Variants in MAP2 observed in about 807,000 individuals in gnomAD.
MAP2 encodes the protein microtubule-associated protein 2.
MAP2 carries 14 observed loss-of-function variants against 137.6 expected under a neutral mutation model. The ratio of observed to expected loss-of-function variants is 0.10; its 90% CI spans 0.07 to 0.16. The LOEUF (loss-of-function observed/expected upper bound fraction) is 0.16. MAP2 is among the 10% of genes least tolerant of loss of function. The pLI is 1.00. For synonymous variants in MAP2, 786 were observed against 782.3 expected (o/e 1.00, Z -0.08); for missense variants, 2,088 against 2,191.5 (o/e 0.95, Z 0.94).
chr2:209,553,233 G>T (rs1408216691), intron 2 of MAP2, among the ~76,000 whole-genome samples: 1 of 151,990 alleles, frequency 6.6e-6, no homozygotes, highest in Non-Finnish European at 1.5e-5. Context: ...GGATGGTCTC[G>T]ATCTCTTGAC....
At chr2:209,519,035 G>T (rs2062908692) in intron 2 of MAP2, among the ~76,000 whole-genome samples, 1 of 151,954 alleles carries the variant, frequency 6.6e-6, no homozygotes. Flanking sequence ...CAGGGAGACG[G>T]ATTAATTAAA....
At chr2:209,669,293 G>A (rs2047723674) in intron 5 of MAP2, among the ~76,000 whole-genome samples, 1 of 152,002 alleles carries the variant, frequency 6.6e-6, no homozygotes, top group Non-Finnish European at 1.5e-5. Flanking sequence ...AACATTGAGT[G>A]TACCTTCTGA....
At chr2:209,463,225 T>C (rs1321322391) in intron 1 of MAP2, among the ~76,000 whole-genome samples, 8 of 152,368 alleles carry the variant, frequency 5.3e-5, no homozygotes, top group African/African-American at 1.4e-4. Context: ...AAGCTGGCTC[T>C]AATCACCTCA....
intron 4 of MAP2, among the ~76,000 whole-genome samples, chr2:209,648,321 G>A (rs576422078): frequency 5.9e-5 from 9 of 151,862 alleles, no homozygotes; most frequent in Non-Finnish European, 1.3e-4. Flanking sequence ...GGCTGGTCTC[G>A]AACTCCTGAC....
rs1265977681 is a variant in MAP2 at position 209,695,769 on chromosome 2, C to T, written c.3599C>T (p.Pro1200Leu). Residue 1200 changes from proline to leucine, a missense_variant, in exon 8 of 16, where the codon CCA (proline) becomes CTA (leucine). Pro to Leu is a moderately conservative substitution (Grantham distance 98). This residue lies in a region of MAP2 where 591 missense variants were observed against 642.6 expected (regional missense o/e 0.92). Transcript: ENST00000682079. ...GTCCAGATGGAATTTATTCAGGGGCCAAAAGAAGAAAGCAAAGAGACCCCA... is the reference window on the plus strand; with the variant it reads ...GTCCAGATGGAATTTATTCAGGGGCTAAAAGAAGAAAGCAAAGAGACCCCA... ...ADVQMEFIQGPKEESKETPDI... is the reference protein window; with the variant it reads ...ADVQMEFIQGLKEESKETPDI... 1 of 1,613,754 alleles carries T rather than the reference C, an allele frequency of 6.2e-7. No individual in the cohort carries two copies. Among genetic ancestry groups the T allele is most frequent in the South Asian group, 1.1e-5 (1 of 91,038 alleles).
intron 1 of MAP2, among the ~76,000 whole-genome samples, chr2:209,430,292 A>T (rs1041196951): frequency 6.6e-6 from 1 of 151,758 alleles, no homozygotes; most frequent in African/African-American, 2.4e-5. Flanking sequence ...TGGAATTATA[A>T]TACTTGTAAC....
At chr2:209,678,494 A>C in intron 5 of MAP2, 78 bp from the exon 6 acceptor site, 1 of 667,772 alleles carries the variant, frequency 1.5e-6, no homozygotes, top group East Asian at 2.9e-5. Flanking sequence ...ATAATCCACT[A>C]TACTGTTTGG....
chr2:209,700,384 G>T, intron 11 of MAP2, 46 bp downstream of exon 11: 1 of 1,400,674 alleles, frequency 7.1e-7, no homozygotes, highest in South Asian at 1.2e-5. Context: ...AAGTTCCTTT[G>T]GTATTAGCTG....
intron 5 of MAP2, among the ~76,000 whole-genome samples, chr2:209,658,214 C>T (rs1389816090): frequency 6.6e-6 from 1 of 151,638 alleles, no homozygotes; most frequent in Non-Finnish European, 1.5e-5. Flanking sequence ...TGGAAAGTGA[C>T]CTTTCAAATT....
At chr2:209,652,409 C>T (rs2094865338) in intron 4 of MAP2, among the ~76,000 whole-genome samples, 2 of 152,114 alleles carry the variant, frequency 1.3e-5, no homozygotes, top group East Asian at 3.8e-4. Context: ...AATGTCATTT[C>T]CTCTTAGTCT....
At chr2:209,557,043 T>G (rs1012289197) in intron 2 of MAP2, among the ~76,000 whole-genome samples, 11 of 152,240 alleles carry the variant, frequency 7.2e-5, no homozygotes, top group Admixed American at 2.0e-4. Context: ...ATATCTATGT[T>G]AACAGAAGAT....
chr2:209,537,829 AGCATT>A (rs2066224171), intron 2 of MAP2, among the ~76,000 whole-genome samples: 1 of 152,354 alleles, frequency 6.6e-6, no homozygotes, highest in Admixed American at 6.5e-5. Context: ...ATCAAGAAGC[AGCATT>A]GCTATGTTAA....
Position 209,705,629 on chromosome 2 carries a change from C to T in MAP2, c.4634C>T (p.Ser1545Phe). 4 of 1,613,086 alleles carry T rather than the reference C, an allele frequency of 2.5e-6. No individual in the cohort carries two copies. Among genetic ancestry groups the T allele is most frequent in the Non-Finnish European group, 3.4e-6 (4 of 1,179,314 alleles). Residue 1545 changes from serine to phenylalanine, a missense_variant, in exon 12 of 16, where the codon TCC becomes TTC. Coordinates refer to ENST00000682079, the MANE Select transcript of MAP2 (RefSeq NM_001375505.1). ...PEKRSSLPRP[S>F]SILPPRRGVS... ...AAGCGCTCTTCTCTCCCAAGACCTTCCTCCATTCTCCCTCCTCGGCGAGGT... is the reference window on the plus strand; with the variant it reads ...AAGCGCTCTTCTCTCCCAAGACCTTTCTCCATTCTCCCTCCTCGGCGAGGT...
intron 2 of MAP2, among the ~76,000 whole-genome samples, chr2:209,533,405 A>G (rs187146317): frequency 1.4e-4 from 22 of 152,348 alleles, no homozygotes; most frequent in African/African-American, 5.3e-4. Context: ...TTGGCCTCCC[A>G]AAATGCTGGG....
intron 13 of MAP2, among the ~76,000 whole-genome samples, chr2:209,722,420 T>C (rs968982337): frequency 5.9e-5 from 9 of 152,204 alleles, no homozygotes; most frequent in Non-Finnish European, 1.3e-4. Flanking sequence ...CCAAAAGATG[T>C]GGTAATATTC....
intron 2 of MAP2, among the ~76,000 whole-genome samples, chr2:209,531,887 G>A (rs866873897): frequency 1.3e-5 from 2 of 152,208 alleles, no homozygotes; most frequent in Middle Eastern, 3.4e-3. Flanking sequence ...TTTAAATAAT[G>A]TTTTCTAAAA....
rs565301126 is a variant in MAP2, at chr2:209,730,379, C to G, written c.5466C>G (p.Leu1822=). The part of the protein sequence containing the change: ...ATLAEDVTAA[L]AKQGL ...TGGCTGAGGATGTCACTGCTGCACT[C>G]GCTAAGCAGGGCTTGTGAATATTTC... is the stretch of plus-strand genomic sequence containing the variant. Residue 1822 remains leucine (L), a synonymous_variant, in exon 16 of 16, where the codon CTC becomes CTG. Transcript: ENST00000682079. 6.2e-7 allele frequency: 1 copy of G among 1,613,512 alleles called. No homozygotes were observed. The highest frequency in any genetic ancestry group is 2.2e-5 in the East Asian group (1 of 44,870).
At chr2:209,488,717 G>A (rs769894569) in intron 1 of MAP2, among the ~76,000 whole-genome samples, 7 of 152,184 alleles carry the variant, frequency 4.6e-5, no homozygotes, top group Non-Finnish European at 1.0e-4. Flanking sequence ...AAAAGCCACT[G>A]TAGCAAGACT....
chr2:209,720,395 T>G, intron 13 of MAP2, among the ~76,000 whole-genome samples: 1 of 151,940 alleles, frequency 6.6e-6, no homozygotes, highest in Non-Finnish European at 1.5e-5. Context: ...TCCCAGCGCT[T>G]TGGGAGGCCG....
Sources: allele counts gnomAD v4.1 joint callset (sites outside exome capture counted in the v4.1 genomes callset), GRCh38; gene constraint gnomAD v4.1.1; regional missense constraint gnomAD v4.1.1; transcripts MANE v1.5; gene names NCBI Gene and HGNC (gene_info 2026-07-23, HGNC 2026-07-21).